SETDB1: variants seen among roughly 807,000 people sequenced by gnomAD.
The protein encoded by SETDB1 is histone-lysine N-methyltransferase SETDB1.
A neutral mutation model predicts 137.4 loss-of-function variants in SETDB1; 31 were observed. That is an observed-to-expected ratio of 0.23 (90% CI 0.17 to 0.30). The LOEUF is 0.30. Among genes scored for constraint, SETDB1 ranks in the 10% least tolerant of loss-of-function variants. The pLI is 1.00. For synonymous variants in SETDB1, 548 were observed against 579.9 expected, an observed-to-expected ratio of 0.95 and a Z score of 0.79; for missense variants, 1,113 against 1,631.5, an observed-to-expected ratio of 0.68 and a Z score of 5.47.
At chr1:150,945,707 A>G (rs1670300809) in intron 9 of SETDB1, among the ~76,000 whole-genome samples, 1 of 152,118 alleles carries the variant, frequency 6.6e-6, no homozygotes, top group African/African-American at 2.4e-5. Flanking sequence ...TATGATCCTT[A>G]TCATGCTTTT....
intron 5 of SETDB1, among the ~76,000 whole-genome samples, chr1:150,941,984 A>G (rs1187110185): frequency 6.6e-6 from 1 of 151,310 alleles, no homozygotes; most frequent in African/African-American, 2.4e-5. Context: ...TATTAAAAAT[A>G]CAAAAATTAG....
intron 3 of SETDB1, chr1:150,930,398 G>A (rs1378278527): frequency 7.2e-6 from 2 of 279,206 alleles, no homozygotes; most frequent in Non-Finnish European, 1.4e-5. Context: ...CTTATAGTGA[G>A]TGTATGTTCT....
intron 14 of SETDB1, among the ~76,000 whole-genome samples, 160 bp downstream of exon 14, chr1:150,951,641 AAC>A (rs1210768091): frequency 6.6e-6 from 1 of 152,242 alleles, no homozygotes; most frequent in African/African-American, 2.4e-5. Flanking sequence ...TGACTTCCAA[AAC>A]ACATTTTTTT....
intron 3 of SETDB1, among the ~76,000 whole-genome samples, chr1:150,934,405 G>A (rs984619662): frequency 3.9e-5 from 6 of 151,986 alleles, no homozygotes; most frequent in Non-Finnish European, 5.9e-5. Context: ...CCTGGGAGGC[G>A]GAGCTTGCAG....
intron 14 of SETDB1, among the ~76,000 whole-genome samples, chr1:150,954,119 G>A (rs1428203925): frequency 6.6e-6 from 1 of 152,138 alleles, no homozygotes; most frequent in Non-Finnish European, 1.5e-5. Flanking sequence ...CTCCCAAAGT[G>A]CTGGGATTAC....
At chr1:150,948,258 G>A (rs948819456) in intron 10 of SETDB1, among the ~76,000 whole-genome samples, 26 of 149,572 alleles carry the variant, frequency 1.7e-4, no homozygotes, top group African/African-American at 5.4e-4. Flanking sequence ...CTACTCTGCC[G>A]ACAGAGTAGC....
At chr1:150,956,826 A>G (rs587754072) in intron 14 of SETDB1, among the ~76,000 whole-genome samples, 59 of 151,830 alleles carry the variant, frequency 3.9e-4, no homozygotes, top group Middle Eastern at 3.4e-3. Context: ...TTAAAGTTAG[A>G]AAAAAAAGCT....
At chr1:150,957,503 G>C (rs1007484357) in intron 14 of SETDB1, among the ~76,000 whole-genome samples, 1 of 152,138 alleles carries the variant, frequency 6.6e-6, no homozygotes, top group African/African-American at 2.4e-5. Context: ...CTGAGCTGTT[G>C]ATACATTTCC....
intron 14 of SETDB1, among the ~76,000 whole-genome samples, chr1:150,951,951 C>T (rs1160948695): frequency 3.3e-5 from 5 of 152,068 alleles, no homozygotes; most frequent in Non-Finnish European, 7.4e-5. Context: ...AGTTTGAGAC[C>T]AGCCTGGCCA....
At chr1:150,937,012 C>T (rs587621232) in intron 3 of SETDB1, among the ~76,000 whole-genome samples, 1 of 152,200 alleles carries the variant, frequency 6.6e-6, no homozygotes, top group African/African-American at 2.4e-5. Context: ...GTAATCCCAG[C>T]TACTGGGGAG....
Position 150,961,292 on chromosome 1 carries a change from T to C in SETDB1, c.3132+101T>C. 3 of 1,225,726 alleles carry C rather than the reference T, an allele frequency of 2.4e-6. No individual in the cohort carries two copies. The South Asian group carries it at 4.1e-5, about 17-fold the overall frequency. The allele number at this position is 1,225,726 out of a possible 1,614,324, so 75.9% of individuals were successfully genotyped here. On this transcript the variant is annotated intron_variant, in intron 16 of 21. Coordinates refer to ENST00000692827, the MANE Select transcript of SETDB1 (RefSeq NM_001366418.1). ...TTTGCATGTAGATTATTCTACTTGA[T>C]GGATATTTCTGTGGCCACCTCGTTA...
Position 150,942,999 on chromosome 1 carries a change from T to G in SETDB1, c.821T>G (p.Val274Gly). ...GCCAAATACAAAGATGGGAATCAGG[T>G]CTGGCTCTATGCTGGCATTGTAGCT... ...VVAKYKDGNQ[V>G]WLYAGIVAET... is the part of the protein sequence containing the mutation. The change falls in exon 7 of 22, where the codon GTC becomes GGC. Residue 274 changes from valine to glycine, a missense_variant. By Grantham distance (109) the Val-to-Gly change is moderately radical. Transcript: ENST00000692827. 6.2e-7 allele frequency: 1 copy of G among 1,614,074 alleles called. No homozygotes were observed. Among genetic ancestry groups the G allele is most frequent in the Non-Finnish European group, 8.5e-7 (1 of 1,180,008 alleles).
intron 2 of SETDB1, among the ~76,000 whole-genome samples, chr1:150,929,170 C>T (rs1015207069): frequency 6.6e-6 from 1 of 152,134 alleles, no homozygotes; most frequent in Non-Finnish European, 1.5e-5. Flanking sequence ...AATCGCCACA[C>T]TGTCTTCCAC....
rs1019273716 is a variant in SETDB1, at chr1:150,944,977, G to A, written c.1009G>A (p.Val337Ile). The part of the protein sequence containing the change: ...ISCRDFIEEY[V>I]TAYPNRPMVL... ...CTGCCGTGACTTCATAGAGGAGTAT[G>A]TCACTGCCTACCCCAACCGCCCCAT... Residue 337 changes from valine (V) to isoleucine (I), a missense_variant, in exon 9 of 22, where the codon GTC (valine) becomes ATC (isoleucine). Physicochemically the swap from Val to Ile is conservative, Grantham distance 29. Transcript: ENST00000692827. 1 of 1,614,030 alleles carries A rather than the reference G, an allele frequency of 6.2e-7. No homozygotes were observed. The highest frequency in any genetic ancestry group is 1.7e-5 in the Admixed American group (1 of 59,996).
rs772898492 is a variant in SETDB1, at chr1:150,942,048, G to A, written c.548-515G>A. 9.4e-4 allele frequency among the ~76,000 whole-genome samples: 143 copies of A among 151,896 alleles called. 1 individual carries two copies. Among genetic ancestry groups the A allele is most frequent in the Non-Finnish European group, 1.6e-3 (110 of 67,988 alleles). The stretch of plus-strand genomic sequence containing the variant: ...TCAGCTACTCAGGAGCCCGAGGCAG[G>A]AGAATCGCTTGAACCCGGAAGGTGA... On this transcript the variant is annotated intron_variant, in intron 5 of 21. Coordinates refer to ENST00000692827, the MANE Select transcript of SETDB1 (RefSeq NM_001366418.1).
At chr1:150,952,136 G>A (rs902440653) in intron 14 of SETDB1, among the ~76,000 whole-genome samples, 1 of 150,492 alleles carries the variant, frequency 6.6e-6, no homozygotes, top group Non-Finnish European at 1.5e-5. Context: ...TGACAAGAGC[G>A]AGACTCTGCC....
chr1:150,940,333 A>G (rs1670096161), intron 4 of SETDB1, among the ~76,000 whole-genome samples: 1 of 152,038 alleles, frequency 6.6e-6, no homozygotes, highest in Admixed American at 6.6e-5. Flanking sequence ...GGGGAGTTTC[A>G]GGTGGGTGGA....
At chr1:150,947,564 G>A (rs1670366556) in intron 10 of SETDB1, among the ~76,000 whole-genome samples, 1 of 152,092 alleles carries the variant, frequency 6.6e-6, no homozygotes, top group African/African-American at 2.4e-5. Flanking sequence ...TGCTTGAGCT[G>A]AGGAATTCAA....
intron 12 of SETDB1, among the ~76,000 whole-genome samples, chr1:150,950,222 G>A (rs1418644291): frequency 1.7e-3 from 12 of 7,216 alleles, no homozygotes; most frequent in East Asian, 8.9e-3. Flanking sequence ...CAAAAAGAGC[G>A]AAACTTGTCT....
Sources: allele counts gnomAD v4.1 joint callset (sites outside exome capture counted in the v4.1 genomes callset), GRCh38; gene constraint gnomAD v4.1.1; transcripts MANE v1.5; gene names NCBI Gene and HGNC (gene_info 2026-07-23, HGNC 2026-07-21).